Variants in NWD2 observed in about 807,000 individuals in gnomAD.
NWD2 encodes the protein NACHT and WD repeat domain-containing protein 2.
A neutral mutation model predicts 132.7 loss-of-function variants in NWD2; 37 were observed. That is an observed-to-expected ratio of 0.28 (90% CI 0.21 to 0.37). The LOEUF (loss-of-function observed/expected upper bound fraction) is 0.37. NWD2 is among the 10% of genes least tolerant of loss of function. The pLI is 1.00. For synonymous variants in NWD2, 705 were observed against 803.0 expected, an observed-to-expected ratio of 0.88 and a Z score of 2.06; for missense variants, 1,592 against 2,122.4, an observed-to-expected ratio of 0.75 and a Z score of 4.91.
chr4:37,315,650 C>G (rs1282516759), intron 1 of NWD2, among the ~76,000 whole-genome samples: 1 of 151,970 alleles, frequency 6.6e-6, no homozygotes, highest in Admixed American at 6.5e-5. Flanking sequence ...GCAATTCCTT[C>G]TTTCCATTTG....
chr4:37,310,803 T>C (rs1157104959), intron 1 of NWD2, among the ~76,000 whole-genome samples: 2 of 103,780 alleles, frequency 1.9e-5, no homozygotes, highest in Non-Finnish European at 3.6e-5. Context: ...CCCACAACAG[T>C]CCCCAGAGTG....
chr4:37,361,885 C>T (rs899127703), intron 3 of NWD2, among the ~76,000 whole-genome samples: 1 of 152,164 alleles, frequency 6.6e-6, no homozygotes, highest in Non-Finnish European at 1.5e-5. Flanking sequence ...GTGAAACTGT[C>T]TCTCTCCATG....
At chr4:37,343,734 T>C (rs895779390) in intron 2 of NWD2, among the ~76,000 whole-genome samples, 25 of 152,224 alleles carry the variant, frequency 1.6e-4, no homozygotes, top group African/African-American at 6.0e-4. Context: ...TCTAAGCCTA[T>C]CTGAAGAAAT....
At chr4:37,390,409 A>ATTTT (rs67944628) in intron 3 of NWD2, among the ~76,000 whole-genome samples, 2 of 150,004 alleles carry the variant, frequency 1.3e-5, no homozygotes. Flanking sequence ...ATAATCTGAA[A>ATTTT]TTTTTTTTTT....
Position 37,356,376 on chromosome 4 carries a change from T to C in NWD2, c.251T>C (p.Leu84Pro). 9 of 1,541,840 alleles carry C rather than the reference T, an allele frequency of 5.8e-6. No homozygotes were observed. Among genetic ancestry groups the C allele is most frequent in the Non-Finnish European group, 7.9e-6 (9 of 1,139,884 alleles). The change falls in exon 3 of 7, where the codon CTG becomes CCG. Residue 84 changes from leucine to proline, a missense_variant. Leu to Pro is a moderately conservative substitution (Grantham distance 98). Transcript: ENST00000309447. ...NYGLEFQVID[L>P]YWGVEEDEWD... ...TCCATCTGTCCCCAGGTCATAGATC[T>C]GTACTGGGGAGTGGAAGAAGATGAG...
intron 1 of NWD2, among the ~76,000 whole-genome samples, chr4:37,276,392 A>G (rs1319432266): frequency 6.6e-6 from 1 of 152,224 alleles, no homozygotes; most frequent in Non-Finnish European, 1.5e-5. Context: ...CCACAATGAG[A>G]TAACCTCTCA....
intron 1 of NWD2, among the ~76,000 whole-genome samples, chr4:37,249,053 C>G (rs775327513): frequency 4.6e-5 from 7 of 152,228 alleles, no homozygotes; most frequent in Non-Finnish European, 1.0e-4. Flanking sequence ...TATGGTAACA[C>G]TAGCCACATA....
At chr4:37,329,642 G>A (rs890786812) in intron 2 of NWD2, among the ~76,000 whole-genome samples, 3 of 152,042 alleles carry the variant, frequency 2.0e-5, no homozygotes, top group African/African-American at 7.2e-5. Flanking sequence ...CAGTAAAGAA[G>A]CCAAGTGTGA....
At chr4:37,355,784 A>AT (rs904607609) in intron 2 of NWD2, among the ~76,000 whole-genome samples, 12 of 152,198 alleles carry the variant, frequency 7.9e-5, no homozygotes, top group African/African-American at 2.9e-4. Context: ...CATACCTTTC[A>AT]TTTTTTTGCC....
intron 3 of NWD2, among the ~76,000 whole-genome samples, chr4:37,365,769 A>T (rs1482324490): frequency 6.6e-6 from 1 of 152,362 alleles, no homozygotes; most frequent in Non-Finnish European, 1.5e-5. Context: ...TTCCACAGTA[A>T]ACTTTTACTA....
intron 1 of NWD2, among the ~76,000 whole-genome samples, chr4:37,286,305 A>T (rs771077957): frequency 1.3e-5 from 2 of 152,208 alleles, no homozygotes; most frequent in Admixed American, 1.3e-4. Context: ...CTAGAGTTGA[A>T]ATATCATCCA....
chr4:37,387,326 C>A (rs989826015), intron 3 of NWD2, among the ~76,000 whole-genome samples: 1 of 151,996 alleles, frequency 6.6e-6, no homozygotes, highest in Non-Finnish European at 1.5e-5. Context: ...CTTTTGCATG[C>A]AATGTCTTTG....
rs1322902091 is a variant in NWD2, at chr4:37,430,616, A to G, written c.402A>G (p.Glu134=). The G allele has an allele frequency of 6.4e-7, 1 of 1,551,648 alleles. No homozygotes were observed. Among genetic ancestry groups the G allele is most frequent in the Admixed American group, 2.0e-5 (1 of 51,000 alleles). ...ATGGGAATATCCGAATCCCTGGAGA[A>G]GTTGAAGCCTCAGAGTTTGAAATGA... ...EKYGNIRIPG[E]VEASEFEMIL... Residue 134 remains glutamate, a synonymous_variant, in exon 4 of 7, where the codon GAA becomes GAG. Transcript: ENST00000309447.
At chr4:37,263,051 G>T (rs1717677113) in intron 1 of NWD2, among the ~76,000 whole-genome samples, 2 of 152,274 alleles carry the variant, frequency 1.3e-5, no homozygotes, top group South Asian at 4.1e-4. Context: ...GGTAGCTATA[G>T]TCTCAGCAGA....
chr4:37,262,798 C>A (rs150780566), intron 1 of NWD2, among the ~76,000 whole-genome samples: 1,600 of 152,246 alleles, frequency 0.011, 13 homozygotes, highest in Non-Finnish European at 0.017. Flanking sequence ...CCTGGGAAGA[C>A]AGAAAATCCT....
intron 1 of NWD2, among the ~76,000 whole-genome samples, chr4:37,297,885 G>T (rs1485900087): frequency 6.6e-6 from 1 of 152,100 alleles, no homozygotes; most frequent in Non-Finnish European, 1.5e-5. Context: ...AATGCTAACT[G>T]AACACTTAGC....
chr4:37,259,973 C>T (rs1032529638), intron 1 of NWD2, among the ~76,000 whole-genome samples: 3 of 152,206 alleles, frequency 2.0e-5, no homozygotes, highest in African/African-American at 4.8e-5. Context: ...ACTGTTTGTA[C>T]TATGGTCTGG....
At chr4:37,355,184 G>A (rs1304540598) in intron 2 of NWD2, among the ~76,000 whole-genome samples, 1 of 152,128 alleles carries the variant, frequency 6.6e-6, no homozygotes, top group Admixed American at 6.5e-5. Flanking sequence ...GGATAATGAA[G>A]TTACCTTCTT....
At chr4:37,378,101 T>G (rs575046774) in intron 3 of NWD2, among the ~76,000 whole-genome samples, 4 of 152,362 alleles carry the variant, frequency 2.6e-5, no homozygotes, top group Non-Finnish European at 5.9e-5. Context: ...TAAGCCTAAC[T>G]TTGATTATGA....
Sources: allele counts gnomAD v4.1 joint callset (sites outside exome capture counted in the v4.1 genomes callset), GRCh38; gene constraint gnomAD v4.1.1; transcripts MANE v1.5; gene names NCBI Gene and HGNC (gene_info 2026-07-23, HGNC 2026-07-21).